Variants in UBE2H observed in about 807,000 individuals in gnomAD.
The protein encoded by UBE2H is ubiquitin conjugating enzyme E2 H.
A neutral mutation model predicts 29.0 loss-of-function variants in UBE2H; 3 were observed. The observed-to-expected ratio is 0.10, with a 90% confidence interval of 0.05 to 0.27. The LOEUF is 0.27. UBE2H is among the 10% of genes least tolerant of loss of function. The probability of loss-of-function intolerance (pLI) is 1.00; values close to 1 mark genes in which losing one functional copy is unlikely to be tolerated. For synonymous variants in UBE2H, 69 were observed against 82.9 expected, an observed-to-expected ratio of 0.83 and a Z score of 0.91; for missense variants, 68 against 228.2, an observed-to-expected ratio of 0.30 and a Z score of 4.52.
At chr7:129,936,586 T>TC (rs1441661609) in intron 1 of UBE2H, among the ~76,000 whole-genome samples, 1 of 113,062 alleles carries the variant, frequency 8.8e-6, no homozygotes, top group Admixed American at 9.6e-5. Context: ...ACAGCCAGAC[T>TC]CCATCTCAAA....
intron 3 of UBE2H, among the ~76,000 whole-genome samples, chr7:129,879,212 A>G (rs1401055514): frequency 1.3e-5 from 2 of 152,252 alleles, no homozygotes; most frequent in African/African-American, 2.4e-5. Context: ...ATTAAAACAC[A>G]TACTATGTAA....
intron 1 of UBE2H, among the ~76,000 whole-genome samples, chr7:129,887,985 G>C (rs1227767031): frequency 6.6e-6 from 1 of 152,182 alleles, no homozygotes; most frequent in Non-Finnish European, 1.5e-5. Context: ...AGTTCAAGTG[G>C]TTTCATAAGG....
chr7:129,890,980 A>G (rs1386459483), intron 1 of UBE2H, among the ~76,000 whole-genome samples: 1 of 151,572 alleles, frequency 6.6e-6, no homozygotes, highest in African/African-American at 2.4e-5. Context: ...TAAAAATACA[A>G]AACAAATTAG....
chr7:129,907,090 C>T (rs771236348), intron 1 of UBE2H, among the ~76,000 whole-genome samples: 11 of 151,874 alleles, frequency 7.2e-5, no homozygotes, highest in Non-Finnish European at 1.6e-4. Context: ...GGAAGAGCTG[C>T]TTAAAGGTTT....
At chr7:129,865,518 T>C (rs765856880) in intron 3 of UBE2H, among the ~76,000 whole-genome samples, 13 of 152,194 alleles carry the variant, frequency 8.5e-5, no homozygotes, top group Non-Finnish European at 1.5e-4. Context: ...AAGGAGAGGT[T>C]AGACAAACGA....
At chr7:129,841,187 T>C (rs932457814) in intron 5 of UBE2H, among the ~76,000 whole-genome samples, 2 of 152,236 alleles carry the variant, frequency 1.3e-5, no homozygotes, top group African/African-American at 4.8e-5. Context: ...GTCTCTGTCA[T>C]AACTACTCAA....
In UBE2H at chr7:129,916,644, G is replaced by T. The variant is rs141332982; in HGVS notation, c.54-35673C>A. Among the ~76,000 whole-genome samples, 6 of 152,202 alleles carry T rather than the reference G, an allele frequency of 3.9e-5. No individual in the cohort carries two copies. The East Asian group carries it at 9.7e-4, about 25-fold the overall frequency. ...CATTTCTAGGGAAATAGAAATAGAC[G>T]CAAAGCCTCAAGGTTACACAGTACA... On this transcript the variant is annotated intron_variant, in intron 1 of 6. Transcript: ENST00000355621.
rs116335687 is a variant in UBE2H, at chr7:129,936,780, A to G, written c.53+15723T>C. ...GAGACCAGCCTAGAGCCTGGCCAAC[A>G]TGGTGAAACCCCGTCTCTACTAGGA... is the stretch of plus-strand genomic sequence containing the variant. On this transcript the variant is annotated intron_variant, in intron 1 of 6. Transcript: ENST00000355621. 7.7e-3 allele frequency among the ~76,000 whole-genome samples: 1,107 copies of G among 144,344 alleles called. 14 individuals are homozygous for G. The highest frequency in any genetic ancestry group is 0.027 in the African/African-American group (1,041 of 38,540). The allele number at this position is 144,344 out of a possible 152,430, so 94.7% of individuals were successfully genotyped here. A position where few individuals can be genotyped will look rare whatever the true frequency, so the allele number is the denominator to read the frequency against.
intron 1 of UBE2H, among the ~76,000 whole-genome samples, chr7:129,925,130 A>G (rs1337103624): frequency 1.3e-5 from 2 of 152,094 alleles, no homozygotes; most frequent in Admixed American, 1.3e-4. Context: ...TGGGTGGATC[A>G]CGAGGTCAGG....
intron 1 of UBE2H, among the ~76,000 whole-genome samples, chr7:129,939,903 G>A (rs1425743493): frequency 6.6e-6 from 1 of 151,904 alleles, no homozygotes; most frequent in Admixed American, 6.6e-5. Flanking sequence ...AGATTGCAGT[G>A]AGCCGAGATG....
At chr7:129,881,036 C>T (rs1806242778) in intron 1 of UBE2H, 65 bp from the exon 2 acceptor site, 4 of 1,441,532 alleles carry the variant, frequency 2.8e-6, no homozygotes, top group African/African-American at 2.9e-5. Context: ...CCAATAACAC[C>T]CCAGGCATAT....
intron 3 of UBE2H, among the ~76,000 whole-genome samples, chr7:129,868,923 C>CT (rs1805970872): frequency 8.6e-6 from 1 of 116,522 alleles, no homozygotes; most frequent in Admixed American, 9.1e-5. Context: ...ACACCCGGGT[C>CT]TCTCTCTCTC....
intron 1 of UBE2H, among the ~76,000 whole-genome samples, chr7:129,941,483 C>T (rs1442484972): frequency 1.3e-5 from 2 of 152,240 alleles, no homozygotes; most frequent in East Asian, 3.9e-4. Context: ...TGTCTGAATA[C>T]CAAAACAGTC....
At chr7:129,865,026 C>G (rs3807118) in intron 3 of UBE2H, 35,766 of 437,228 alleles carry the variant, frequency 0.082, 2,083 homozygotes, top group East Asian at 0.26. Context: ...CTTCTCTGTC[C>G]TGCGTCTTTT....
chr7:129,933,343 A>G (rs1473403144), intron 1 of UBE2H, among the ~76,000 whole-genome samples: 1 of 152,220 alleles, frequency 6.6e-6, no homozygotes, highest in African/African-American at 2.4e-5. Flanking sequence ...CTAAATTTGT[A>G]AGGAGGAACT....
At chr7:129,857,338 T>C (rs1442332549) in intron 5 of UBE2H, 173 bp downstream of exon 5, 2 of 633,612 alleles carry the variant, frequency 3.2e-6, no homozygotes, top group Non-Finnish European at 5.5e-6. Flanking sequence ...TAAACTGATA[T>C]ATTTGTACTT....
intron 1 of UBE2H, among the ~76,000 whole-genome samples, chr7:129,909,172 A>C (rs1806879024): frequency 6.6e-6 from 1 of 152,212 alleles, no homozygotes; most frequent in South Asian, 2.1e-4. Flanking sequence ...TACAAAACAC[A>C]GGAGAAAGAT....
chr7:129,894,232 T>C (rs1374289002), intron 1 of UBE2H, among the ~76,000 whole-genome samples: 1 of 152,152 alleles, frequency 6.6e-6, no homozygotes, highest in African/African-American at 2.4e-5. Flanking sequence ...AGCAGGCAGA[T>C]CTTTTGAGCT....
At chr7:129,865,737 C>A (rs1237066490) in intron 3 of UBE2H, among the ~76,000 whole-genome samples, 1 of 152,222 alleles carries the variant, frequency 6.6e-6, no homozygotes, top group East Asian at 1.9e-4. Flanking sequence ...ATCTTCAGAA[C>A]AACTGCCCAC....
Sources: gnomAD v4.1 joint callset for allele counts (sites outside exome capture counted in the v4.1 genomes callset) on GRCh38, gnomAD v4.1.1 for gene constraint, MANE v1.5 for transcripts, NCBI Gene and HGNC (gene_info 2026-07-23, HGNC 2026-07-21) for gene names.